The following CIPC variants were observed in gnomAD, a reference collection of about 807,000 sequenced individuals.
CIPC encodes CLOCK interacting pacemaker, also known as CLOCK-interacting pacemaker.
In CIPC, 12 loss-of-function variants were observed where a neutral mutation model predicts 26.7. That is an observed-to-expected ratio of 0.45 (90% CI 0.29 to 0.73). CIPC has a LOEUF of 0.73. Among genes scored for constraint, CIPC ranks in the 30% least tolerant of loss-of-function variants. CIPC has a pLI of 0.12. For missense variants in CIPC, 417 were observed against 486.5 expected (o/e 0.86, Z 1.34); for synonymous variants, 170 against 189.8 (o/e 0.90, Z 0.86).
chr14:77,110,018 T>TA (rs780344352), intron 3 of CIPC, 37 bp downstream of exon 3: 3 of 1,592,460 alleles, frequency 1.9e-6, no homozygotes, highest in South Asian at 2.2e-5. Flanking sequence ...TCTTTGCAAA[T>TA]AAAAATCTCT....
chr14:77,107,248 A>G (rs1886608092), intron 2 of CIPC, among the ~76,000 whole-genome samples: 1 of 152,212 alleles, frequency 6.6e-6, no homozygotes, highest in African/African-American at 2.4e-5. Flanking sequence ...TAATCTTACC[A>G]TCTATTATTT....
intron 1 of CIPC, among the ~76,000 whole-genome samples, chr14:77,103,115 G>A (rs1328975769): frequency 6.6e-6 from 1 of 152,190 alleles, no homozygotes; most frequent in Non-Finnish European, 1.5e-5. Context: ...GAATGAGGAA[G>A]CCAGTCCCCT....
At position 77,117,195 on chromosome 14, in the gene CIPC, A is replaced by G. The variant is rs1257754816; in HGVS notation, c.*2877A>G. Reference sequence around the variant, plus strand: ...AATTCTTTAGGGTAGAAATTTATTTAGCAAATGTGAATTCTTTTGAGAAAG... The same window carrying G: ...AATTCTTTAGGGTAGAAATTTATTTGGCAAATGTGAATTCTTTTGAGAAAG... On this transcript the variant is annotated 3_prime_UTR_variant, in exon 4 of 4. Transcript: ENST00000361786. 1 of 152,676 alleles carries G rather than the reference A, an allele frequency of 6.5e-6. No homozygotes were observed. 9.5% of individuals were successfully genotyped at this position (152,676 alleles called of 1,614,324 possible).
rs193217222 is a variant in CIPC at position 77,113,276 on chromosome 14, A to G, written c.307-149A>G. ...AAAGTATTTGTGATATCAGACACAA[A>G]TAGATGTTCAAACCACTATGTGAGA... On this transcript the variant is annotated intron_variant, in intron 3 of 3. Coordinates refer to ENST00000361786, the MANE Select transcript of CIPC (RefSeq NM_033426.3). The G allele has an allele frequency of 1.6e-4, 129 of 818,430 alleles. 1 individual carries two copies. The African/African-American group carries it at 2.0e-3, about 13-fold the overall frequency. 50.7% of individuals were successfully genotyped at this position (818,430 alleles called of 1,614,324 possible).
intron 2 of CIPC, among the ~76,000 whole-genome samples, chr14:77,109,184 C>T (rs1886646860): frequency 6.6e-6 from 1 of 152,196 alleles, no homozygotes; most frequent in Non-Finnish European, 1.5e-5. Flanking sequence ...TTGTGAAATA[C>T]ACCTACCATG....
At chr14:77,098,854 G>C (rs969885325) in intron 1 of CIPC, 1 of 152,764 alleles carries the variant, frequency 6.5e-6, no homozygotes, top group Admixed American at 6.5e-5. Flanking sequence ...CGTCACCCTC[G>C]TTGCTGGTTG....
At chr14:77,104,690 A>G (rs567028636) in intron 1 of CIPC, among the ~76,000 whole-genome samples, 5 of 152,206 alleles carry the variant, frequency 3.3e-5, no homozygotes, top group Non-Finnish European at 5.9e-5. Context: ...CCAATCCTCC[A>G]GATCCCAGCT....
chr14:77,109,764 G>A, intron 2 of CIPC, 48 bp from the exon 3 acceptor site: 1 of 1,539,760 alleles, frequency 6.5e-7, no homozygotes, highest in Non-Finnish European at 8.8e-7. Context: ...CTGGTTAAGA[G>A]CCCCTAGTCT....
intron 2 of CIPC, among the ~76,000 whole-genome samples, chr14:77,107,763 TATA>T (rs1886620480): frequency 6.6e-6 from 1 of 152,224 alleles, no homozygotes; most frequent in South Asian, 2.1e-4. Flanking sequence ...TCTATGTAGT[TATA>T]ATATCATTAT....
At chr14:77,106,529 T>C (rs931095548) in intron 2 of CIPC, among the ~76,000 whole-genome samples, 26 of 151,962 alleles carry the variant, frequency 1.7e-4, no homozygotes, top group African/African-American at 6.3e-4. Context: ...GCTCTGAGGG[T>C]AGTGGCTTGA....
At chr14:77,106,100 T>G in intron 2 of CIPC, 3 of 282,948 alleles carry the variant, frequency 1.1e-5, no homozygotes, top group Admixed American at 5.1e-5. Flanking sequence ...CTATTGCAAT[T>G]GGTCACTGGA....
At chr14:77,107,028 G>T (rs1214298852) in intron 2 of CIPC, among the ~76,000 whole-genome samples, 2 of 152,160 alleles carry the variant, frequency 1.3e-5, no homozygotes, top group African/African-American at 4.8e-5. Context: ...CTCTTTCAAG[G>T]GTCTGGACAG....
chr14:77,108,419 C>T (rs999984823), intron 2 of CIPC, among the ~76,000 whole-genome samples: 22 of 152,156 alleles, frequency 1.4e-4, no homozygotes, highest in Admixed American at 1.3e-4. Context: ...TGGCCGGGCG[C>T]GTTGCCTCAC....
chr14:77,107,141 T>C (rs746565548), intron 2 of CIPC, among the ~76,000 whole-genome samples: 46 of 152,358 alleles, frequency 3.0e-4, no homozygotes, highest in South Asian at 2.1e-4. Context: ...TCTTTTAATA[T>C]CACGTTTGCT....
rs1362324307 is a variant in CIPC at position 77,113,868 on chromosome 14, C to T, written c.750C>T (p.His250=). 9 of 1,614,032 alleles carry T rather than the reference C, an allele frequency of 5.6e-6. No homozygotes were observed. In the African/African-American group the frequency reaches 8.0e-5, roughly 14 times the overall value. ...CTCTTCAGCCGGTATCCAGCAGTCA[C>T]GTGGCTAAAGCTCCCAGTCTGACCT... The part of the protein sequence containing the change: ...PQTLQPVSSS[H]VAKAPSLTFA... Residue 250 remains histidine (H), a synonymous_variant, in exon 4 of 4, where the codon CAC becomes CAT. Transcript: ENST00000361786.
At chr14:77,105,589 T>C (rs1184705692) in intron 1 of CIPC, 68 bp from the exon 2 acceptor site, 2 of 1,085,670 alleles carry the variant, frequency 1.8e-6, no homozygotes, top group East Asian at 4.8e-5. Context: ...GCCCATACTT[T>C]ATTCACTGTT....
chr14:77,112,954 C>T (rs1384796100), intron 3 of CIPC, among the ~76,000 whole-genome samples: 1 of 152,126 alleles, frequency 6.6e-6, no homozygotes, highest in Non-Finnish European at 1.5e-5. Flanking sequence ...TCAGGTGATC[C>T]ACCTCCCTCA....
chr14:77,111,865 G>A (rs1886708673), intron 3 of CIPC, among the ~76,000 whole-genome samples: 1 of 152,202 alleles, frequency 6.6e-6, no homozygotes, highest in Non-Finnish European at 1.5e-5. Flanking sequence ...GAGAGGGCAT[G>A]AAGTTTTGCT....
intron 2 of CIPC, among the ~76,000 whole-genome samples, chr14:77,106,587 C>A (rs1451536982): frequency 6.6e-6 from 1 of 152,034 alleles, no homozygotes; most frequent in Non-Finnish European, 1.5e-5. Context: ...AGGGGTGATG[C>A]TGAGGGATTC....
Sources: gnomAD v4.1 joint callset for allele counts (sites outside exome capture counted in the v4.1 genomes callset) on GRCh38, gnomAD v4.1.1 for gene constraint, MANE v1.5 for transcripts, NCBI Gene and HGNC (gene_info 2026-07-23, HGNC 2026-07-21) for gene names.